Variants in C12orf57 observed in about 807,000 individuals in gnomAD.
The protein encoded by C12orf57 is protein C10.
Under a neutral mutation model 11.3 loss-of-function variants are expected in C12orf57, and 14 were observed. That is an observed-to-expected ratio of 1.24 (90% CI 0.82 to 1.94). The LOEUF is 1.94. C12orf57 is among the 30% of genes most tolerant of loss of function. The pLI is 0.00. For synonymous variants in C12orf57, 100 were observed against 74.6 expected (o/e 1.34, Z -1.76); for missense variants, 229 against 172.4 (o/e 1.33, Z -1.84).
chr12:6,943,835 G>T (rs782066592), upstream of C12orf57: 3 of 877,492 alleles, frequency 3.4e-6, no homozygotes, highest in Non-Finnish European at 3.2e-6. Context: ...AGCTCTTTTA[G>T]AATTTGTCTA....
intron 2 of C12orf57, 40 bp downstream of exon 2, chr12:6,944,692 C>CG (rs1565575127): frequency 6.3e-7 from 1 of 1,596,708 alleles, no homozygotes; most frequent in Non-Finnish European, 8.6e-7. Flanking sequence ...CGCGGGAAGG[C>CG]GGGAGTTGGG....
chr12:6,943,929 TG>T, upstream of C12orf57: 2 of 1,325,086 alleles, frequency 1.5e-6, no homozygotes, highest in Non-Finnish European at 2.0e-6. Flanking sequence ...GCAAAAATTA[TG>T]GGTAGTTTTG....
chr12:6,944,759 A>C (rs1591675300), intron 2 of C12orf57, 107 bp downstream of exon 2: 1 of 1,559,384 alleles, frequency 6.4e-7, no homozygotes, highest in South Asian at 1.2e-5. Flanking sequence ...TTCTCGCCAC[A>C]CGGCGGCAGC....
intron 2 of C12orf57, 181 bp downstream of exon 2, chr12:6,944,833 G>GT (rs1945759260): frequency 2.1e-6 from 3 of 1,446,918 alleles, no homozygotes; most frequent in Admixed American, 5.5e-5. Flanking sequence ...GTGCGTCCGA[G>GT]TTGCGTTTTG....
At position 6,945,834 on chromosome 12, in the gene C12orf57, T is replaced by A. The variant is rs1348502639; in HGVS notation, c.293T>A (p.Leu98Gln). 1.2e-6 allele frequency: 2 copies of A among 1,613,826 alleles called. No homozygotes were observed. The highest frequency in any genetic ancestry group is 2.7e-5 in the African/African-American group (2 of 74,918). Reference protein sequence around the residue: ...YEAQDPEIASLSGKLKALFLP... With the variant: ...YEAQDPEIASQSGKLKALFLP... ...GCCCAGGATCCTGAGATCGCCAGCC[T>A]GTCAGGCAAGCTGAAGGCGCTGTTT... Residue 98 changes from leucine (L) to glutamine (Q), a missense_variant, in exon 3 of 3, where the codon CTG becomes CAG. By Grantham distance (113) the Leu-to-Gln change is moderately radical. Transcript: ENST00000229281.
intron 2 of C12orf57, 171 bp downstream of exon 2, chr12:6,944,823 G>A: frequency 6.9e-7 from 1 of 1,452,482 alleles, no homozygotes; most frequent in Non-Finnish European, 9.1e-7. Flanking sequence ...CCCTGAGCTT[G>A]TGCGTCCGAG....
chr12:6,944,161 G>C lies in C12orf57; in HGVS notation c.40G>C (p.Glu14Gln). The C allele has an allele frequency of 2.5e-6, 4 of 1,614,210 alleles. No individual in the cohort carries two copies. Among genetic ancestry groups the C allele is most frequent in the African/African-American group, 1.3e-5 (1 of 75,064 alleles). The change falls in exon 1 of 3, where the codon GAG becomes CAG. Residue 14 changes from glutamate (E) to glutamine (Q), a missense_variant. Physicochemically the swap from Glu to Gln is conservative, Grantham distance 29 (BLOSUM62 2). Coordinates refer to ENST00000229281, the MANE Select transcript of C12orf57 (RefSeq NM_138425.4). ...GACCCAACCGGCGGCCTTGAGCGCT[G>C]AGCAAGCAAAGGGTGAGAATCGTCC... ...ASTQPAALSAEQAKVVLAEVI... is the reference protein window; with the variant it reads ...ASTQPAALSAQQAKVVLAEVI...
rs781862534 is a variant in C12orf57, at chr12:6,945,831, G to C, written c.290G>C (p.Ser97Thr). The change falls in exon 3 of 3, where the codon AGC becomes ACC. Residue 97 changes from serine to threonine, a missense_variant. Transcript: ENST00000229281. ...GAAGCCCAGGATCCTGAGATCGCCA[G>C]CCTGTCAGGCAAGCTGAAGGCGCTG... Reference protein sequence around the residue: ...SYEAQDPEIASLSGKLKALFL... With the variant: ...SYEAQDPEIATLSGKLKALFL... 2.5e-6 allele frequency: 4 copies of C among 1,613,918 alleles called. No homozygotes were observed. Among genetic ancestry groups the C allele is most frequent in the East Asian group, 2.2e-5 (1 of 44,874 alleles).
chr12:6,943,792 T>G (rs1247417625), upstream of C12orf57: 5 of 936,078 alleles, frequency 5.3e-6, no homozygotes. Flanking sequence ...TTATATCCCA[T>G]CTTCTCTCCA....
At chr12:6,944,926 A>G (rs1945762351) in intron 2 of C12orf57, 2 of 1,274,680 alleles carry the variant, frequency 1.6e-6, no homozygotes, top group Non-Finnish European at 2.1e-6. Context: ...GAATATTTAC[A>G]TATACATGGA....
At chr12:6,944,001 C>G (rs782078760), upstream of C12orf57, 6 of 1,592,834 alleles carry the variant, frequency 3.8e-6, no homozygotes, top group Non-Finnish European at 4.3e-6. Flanking sequence ...TGGGCGCTTC[C>G]GGCTGCGCCG....
At chr12:6,944,729 C>A in intron 2 of C12orf57, 77 bp downstream of exon 2, 3 of 1,591,686 alleles carry the variant, frequency 1.9e-6, no homozygotes, top group Non-Finnish European at 2.6e-6. Flanking sequence ...GATCTGTGGG[C>A]CCATGAGCGG....
upstream of C12orf57, chr12:6,943,910 T>A: frequency 8.3e-7 from 1 of 1,211,118 alleles, no homozygotes; most frequent in Non-Finnish European, 1.1e-6. Context: ...GATAGATTGT[T>A]TTCACTGTGC....
At chr12:6,944,343 G>C (rs1555145919) in intron 1 of C12orf57, 133 bp from the exon 2 acceptor site, 1 of 1,557,796 alleles carries the variant, frequency 6.4e-7, no homozygotes, top group Non-Finnish European at 8.7e-7. Context: ...TGGGGCGCTT[G>C]CCCCCAAGAC....
intron 2 of C12orf57, among the ~76,000 whole-genome samples, chr12:6,945,490 T>A (rs1323583370): frequency 6.6e-6 from 1 of 152,138 alleles, no homozygotes; most frequent in Non-Finnish European, 1.5e-5. Context: ...TCGTGTTCAT[T>A]CTTGGGGTTC....
chr12:6,944,019 T>A, upstream of C12orf57: 1 of 1,606,218 alleles, frequency 6.2e-7, no homozygotes, highest in Non-Finnish European at 8.5e-7. Context: ...CCGGATGCTG[T>A]TTCCTTTCCG....
chr12:6,945,744 G>A (rs1424926350), intron 2 of C12orf57, 27 bp from the exon 3 acceptor site: 1 of 1,611,544 alleles, frequency 6.2e-7, no homozygotes, highest in East Asian at 2.2e-5. Flanking sequence ...CTTAGGAGAA[G>A]GGTTGACCTT....
chr12:6,944,317 G>T, intron 1 of C12orf57, 144 bp downstream of exon 1: 4 of 1,575,104 alleles, frequency 2.5e-6, no homozygotes, highest in Non-Finnish European at 2.6e-6. Context: ...GGGACGCCGG[G>T]TACCGTCCTT....
chr12:6,944,036 G>GGGGCGTTGGGAACGGTTGTA lies in C12orf57; in HGVS notation c.-83_-64dup. 6.2e-7 allele frequency: 1 copy of GGGGCGTTGGGAACGGTTGTA among 1,609,550 alleles called. No individual in the cohort carries two copies. The highest frequency in any genetic ancestry group is 1.1e-5 in the South Asian group (1 of 90,938). On this transcript the variant is annotated 5_prime_UTR_variant, in exon 1 of 3. Transcript: ENST00000229281. ...GGATGCTGTTTCCTTTCCGCTCCCA[G>GGGGCGTTGGGAACGGTTGTA]GGGCGTTGGGAACGGTTGTAGGACG...
Sources: allele counts gnomAD v4.1 joint callset (sites outside exome capture counted in the v4.1 genomes callset), GRCh38; gene constraint gnomAD v4.1.1; transcripts MANE v1.5; gene names NCBI Gene and HGNC (gene_info 2026-07-23, HGNC 2026-07-21).